The following MGAM variants were observed in gnomAD, a reference collection of about 807,000 sequenced individuals.
MGAM encodes the protein alpha-1,4-glucosidase.
In MGAM, 253 loss-of-function variants were observed where a neutral mutation model predicts 358.8. The observed-to-expected ratio is 0.71, with a 90% CI of 0.64 to 0.78. The LOEUF (loss-of-function observed/expected upper bound fraction) is 0.78, where lower values mean the gene tolerates loss of function less well. Among genes scored for constraint, MGAM ranks in the 30% least tolerant of loss-of-function variants. The probability of loss-of-function intolerance (pLI) is 0.00; values close to 1 mark genes in which losing one functional copy is unlikely to be tolerated. For synonymous variants in MGAM, 1,105 were observed against 1,227.1 expected (o/e 0.90, Z 2.08); for missense variants, 3,080 against 3,432.6 (o/e 0.90, Z 2.57).
chr7:142,059,409 G>A (rs1274613832), intron 31 of MGAM, 63 bp from the exon 32 acceptor site: 7 of 1,570,572 alleles, frequency 4.5e-6, no homozygotes, highest in East Asian at 2.3e-5. Context: ...GTGGAGGGTT[G>A]TTCTCCTATA....
At chr7:142,078,604 T>A (rs1813951113) in intron 48 of MGAM, 134 bp downstream of exon 48, 1 of 1,130,666 alleles carries the variant, frequency 8.8e-7, no homozygotes, top group Admixed American at 2.9e-5. Flanking sequence ...GATCTGGATG[T>A]GACAAGTAGG....
At chr7:141,995,176 G>A (rs1584882474), upstream of MGAM, among the ~76,000 whole-genome samples, 1 of 150,790 alleles carries the variant, frequency 6.6e-6, no homozygotes, top group East Asian at 2.0e-4. Flanking sequence ...TTGACTCCAA[G>A]TTTAACTATA....
chr7:142,080,489 A>C lies in MGAM; in HGVS notation c.5848-302A>C, dbSNP rs548159895. Reference sequence around the variant, plus strand: ...GGTATTTATATATTCTCATATACCCACAGAAAATAACAAGTAACATATTCA... The same window carrying C: ...GGTATTTATATATTCTCATATACCCCCAGAAAATAACAAGTAACATATTCA... On this transcript the variant is annotated intron_variant, in intron 49 of 70. Transcript: ENST00000475668. Among the ~76,000 whole-genome samples, 37 of 146,464 alleles carry C rather than the reference A, an allele frequency of 2.5e-4. 2 individuals are homozygous for C. Among genetic ancestry groups the C allele is most frequent in the African/African-American group, 9.0e-4 (37 of 41,238 alleles).
chr7:142,085,463 T>G (rs1442985287), intron 54 of MGAM, among the ~76,000 whole-genome samples: 3 of 145,932 alleles, frequency 2.1e-5, no homozygotes, highest in Admixed American at 1.4e-4. Context: ...GTTAATATTA[T>G]TTTTTCTAAG....
At chr7:141,994,724 TAGTG>T (rs1804108014), upstream of MGAM, among the ~76,000 whole-genome samples, 1 of 152,162 alleles carries the variant, frequency 6.6e-6, no homozygotes. Context: ...GTTCTCATGA[TAGTG>T]GGTGAGTTCT....
chr7:142,065,218 G>A (rs1340711531), intron 37 of MGAM, 117 bp from the exon 38 acceptor site: 5 of 1,393,790 alleles, frequency 3.6e-6, no homozygotes, highest in Non-Finnish European at 4.9e-6. Context: ...AGAGTCCCAT[G>A]TTCCCTCCAG....
chr7:142,038,718 G>A, intron 19 of MGAM, 103 bp downstream of exon 19: 1 of 796,320 alleles, frequency 1.3e-6, no homozygotes, highest in Non-Finnish European at 1.9e-6. Context: ...TGACATCTGT[G>A]ACTGAGTCAG....
chr7:142,042,910 T>TTATA (rs1159637390), intron 21 of MGAM, among the ~76,000 whole-genome samples: 3 of 47,008 alleles, frequency 6.4e-5, no homozygotes, highest in African/African-American at 2.1e-4. Flanking sequence ...AATATCTATA[T>TTATA]TATATATACA....
chr7:142,063,596 C>A lies in MGAM; in HGVS notation c.4345+10C>A. The A allele has an allele frequency of 6.2e-7, 1 of 1,611,858 alleles. No homozygotes were observed. Among genetic ancestry groups the A allele is most frequent in the Non-Finnish European group, 8.5e-7 (1 of 1,178,884 alleles). On this transcript the variant is annotated intron_variant, in intron 36 of 70. Transcript: ENST00000475668. ...CCTCCCTACATGCCACGTAAGAAGCCTTGGCCTCCTTGACTGGCAGAGCCA... is the reference window on the plus strand; with the variant it reads ...CCTCCCTACATGCCACGTAAGAAGCATTGGCCTCCTTGACTGGCAGAGCCA...
chr7:142,067,957 TATATATAAATATATATATATATA>T (rs1812943641), intron 42 of MGAM, among the ~76,000 whole-genome samples: 1 of 35,512 alleles, frequency 2.8e-5, no homozygotes, highest in African/African-American at 7.8e-5. Context: ...TATATATATA[TATATATAAATATATATATATATA>T]TATATATTTT....
chr7:142,076,124 C>T lies in MGAM; in HGVS notation c.5276-79C>T, dbSNP rs1238472928. 2.7e-6 allele frequency: 3 copies of T among 1,118,432 alleles called. 1 individual carries two copies. The highest frequency in any genetic ancestry group is 1.8e-5 in the Admixed American group (1 of 56,626). 69.3% of individuals were successfully genotyped at this position (1,118,432 alleles called of 1,614,324 possible). ...TGCCATTTGTGACATCAGGATGTAA[C>T]TGAAAAGAGTGGGAGTGTGAAATCT... On this transcript the variant is annotated intron_variant, in intron 45 of 70. Transcript: ENST00000475668.
At chr7:142,063,877 C>T (rs1166771738) in intron 36 of MGAM, among the ~76,000 whole-genome samples, 1 of 152,154 alleles carries the variant, frequency 6.6e-6, no homozygotes, top group African/African-American at 2.4e-5. Flanking sequence ...GTGTGAATTC[C>T]ATCACAGGAA....
rs72503034 is a variant in MGAM at position 142,047,422 on chromosome 7, T to A, written c.2499-363T>A. Among the ~76,000 whole-genome samples, 19 of 152,294 alleles carry A rather than the reference T, an allele frequency of 1.2e-4. No homozygotes were observed. In the East Asian group the frequency reaches 2.9e-3, roughly 23 times the overall value. On this transcript the variant is annotated intron_variant, in intron 21 of 70. Transcript: ENST00000475668. Reference sequence around the variant, plus strand: ...GCACTGGACACTTCTACTGAGGGCATCATTGCTAAAGTGATATAACTGAAC... The same window carrying A: ...GCACTGGACACTTCTACTGAGGGCAACATTGCTAAAGTGATATAACTGAAC...
At position 142,005,672 on chromosome 7, in the gene MGAM, T is replaced by TG. The variant is rs1332271070; in HGVS notation, c.127+19dup. ...GAAATCAACAGGTAAGAAGTAACTCTGGGGCTCTCTCCATATGTTGTTTTT... is the reference window on the plus strand; with the variant it reads ...GAAATCAACAGGTAAGAAGTAACTCTGGGGGCTCTCTCCATATGTTGTTTTT... On this transcript the variant is annotated intron_variant, in intron 2 of 70. Coordinates refer to ENST00000475668, the MANE Select transcript of MGAM (RefSeq NM_001365693.1). The TG allele has an allele frequency of 3.1e-6, 5 of 1,597,362 alleles. No individual in the cohort carries two copies. Among genetic ancestry groups the TG allele is most frequent in the Non-Finnish European group, 4.3e-6 (5 of 1,171,490 alleles).
At chr7:142,016,527 A>G (rs1805989053) in intron 3 of MGAM, among the ~76,000 whole-genome samples, 1 of 151,704 alleles carries the variant, frequency 6.6e-6, no homozygotes, top group Non-Finnish European at 1.5e-5. Flanking sequence ...TCATGTACTG[A>G]CTCTATGTCT....
chr7:142,077,195 A>T (rs4726488), intron 47 of MGAM, among the ~76,000 whole-genome samples: 125,264 of 143,526 alleles, frequency 0.87, 56,608 homozygotes, highest in South Asian at 0.98. Context: ...ACAAATAAGA[A>T]TTGGTATTTG....
In MGAM at chr7:142,031,699, T is replaced by C. The variant is rs781863603; in HGVS notation, c.1490T>C (p.Val497Ala). 8 of 1,612,532 alleles carry C rather than the reference T, an allele frequency of 5.0e-6. No homozygotes were observed. The highest frequency in any genetic ancestry group is 6.8e-6 in the Non-Finnish European group (8 of 1,178,806). ...LIGEVWPGQT[V>A]FPDYTNPNCA... ...CTGAAGGTCTGGCCTGGACAAACTG[T>C]GTTTCCTGATTATACCAATCCCAAC... Residue 497 changes from valine to alanine, a missense_variant, in exon 13 of 71, where the codon GTG (valine) becomes GCG (alanine). By Grantham distance (64) the Val-to-Ala change is moderately conservative (BLOSUM62 0). Transcript: ENST00000475668.
intron 69 of MGAM, 87 bp from the exon 70 acceptor site, chr7:142,103,182 T>A (rs565103311): frequency 1.8e-6 from 2 of 1,121,702 alleles, no homozygotes; most frequent in African/African-American, 3.2e-5. Flanking sequence ...TGTCTTACTT[T>A]ATGACCTACA....
intron 53 of MGAM, among the ~76,000 whole-genome samples, chr7:142,083,915 G>A (rs1305480252): frequency 1.6e-5 from 2 of 128,742 alleles, no homozygotes; most frequent in African/African-American, 7.3e-5. Flanking sequence ...GGTGGTGGTA[G>A]TGGTGGTGAC....
Sources: gnomAD v4.1 joint callset for allele counts (sites outside exome capture counted in the v4.1 genomes callset) on GRCh38, gnomAD v4.1.1 for gene constraint, MANE v1.5 for transcripts, NCBI Gene and HGNC (gene_info 2026-07-23, HGNC 2026-07-21) for gene names.